MAML2: variants seen among roughly 807,000 people sequenced by gnomAD.
The protein encoded by MAML2 is mastermind like transcriptional coactivator 2.
Under a neutral mutation model 96.1 loss-of-function variants are expected in MAML2, and 22 were observed. The observed-to-expected ratio is 0.23, with a 90% CI of 0.16 to 0.33. The LOEUF (loss-of-function observed/expected upper bound fraction) is 0.33, where lower values mean the gene tolerates loss of function less well. Ranked by LOEUF, MAML2 falls within the 10% of genes least tolerant of loss-of-function variation. The pLI is 1.00. For synonymous variants in MAML2, 561 were observed against 521.3 expected (o/e 1.08, Z -1.04); for missense variants, 1,367 against 1,392.4 (o/e 0.98, Z 0.29).
chr11:96,124,719 G>A (rs1158561146), intron 1 of MAML2, among the ~76,000 whole-genome samples: 1 of 152,108 alleles, frequency 6.6e-6, no homozygotes, highest in African/African-American at 2.4e-5. Flanking sequence ...GAGAGAGAGA[G>A]ACTGCACATG....
intron 1 of MAML2, among the ~76,000 whole-genome samples, chr11:96,284,839 CTA>C (rs1863116606): frequency 6.6e-6 from 1 of 152,208 alleles, no homozygotes; most frequent in African/African-American, 2.4e-5. Context: ...ACTCATCACT[CTA>C]TAATAATATT....
At chr11:96,018,568 A>G (rs556535841) in intron 2 of MAML2, among the ~76,000 whole-genome samples, 1 of 152,314 alleles carries the variant, frequency 6.6e-6, no homozygotes, top group East Asian at 1.9e-4. Context: ...GAAAGCTAAG[A>G]GAAGAAAGTA....
chr11:96,210,145 G>A (rs563089402), intron 1 of MAML2, among the ~76,000 whole-genome samples: 14 of 151,894 alleles, frequency 9.2e-5, no homozygotes, highest in Non-Finnish European at 1.3e-4. Context: ...TCACTCTGTC[G>A]CCCAGTTTGG....
chr11:96,145,723 C>G (rs1860804315), intron 1 of MAML2, among the ~76,000 whole-genome samples: 1 of 152,164 alleles, frequency 6.6e-6, no homozygotes, highest in South Asian at 2.1e-4. Context: ...AAATTGTATA[C>G]TTGTTCGGGC....
chr11:96,113,385 C>T (rs1196052313), intron 1 of MAML2, among the ~76,000 whole-genome samples: 2 of 151,944 alleles, frequency 1.3e-5, no homozygotes, highest in Admixed American at 6.5e-5. Flanking sequence ...CTTAGGCAGA[C>T]ATATTAACTC....
chr11:96,217,597 C>G (rs1862069362), intron 1 of MAML2, among the ~76,000 whole-genome samples: 1 of 152,140 alleles, frequency 6.6e-6, no homozygotes, highest in African/African-American at 2.4e-5. Flanking sequence ...CTCTTTTTGA[C>G]AGTAGAAAAG....
chr11:96,322,605 T>C (rs577683), intron 1 of MAML2, among the ~76,000 whole-genome samples: 71,656 of 151,818 alleles, frequency 0.47, 17,655 homozygotes, highest in African/African-American at 0.63. Context: ...GCCAGGAGAA[T>C]GGCGTGAACC....
chr11:96,248,951 G>A (rs1862548122), intron 1 of MAML2, among the ~76,000 whole-genome samples: 1 of 152,172 alleles, frequency 6.6e-6, no homozygotes, highest in African/African-American at 2.4e-5. Flanking sequence ...ACTATGATGG[G>A]AATATTTCCA....
chr11:96,341,328 C>T, intron 1 of MAML2, 55 bp downstream of exon 1: 1 of 1,469,598 alleles, frequency 6.8e-7, no homozygotes, highest in East Asian at 2.5e-5. Context: ...CAAACTCTAC[C>T]CTCACAAAAG....
intron 1 of MAML2, among the ~76,000 whole-genome samples, chr11:96,304,704 A>G (rs1017651312): frequency 4.6e-5 from 7 of 152,310 alleles, no homozygotes; most frequent in African/African-American, 1.4e-4. Flanking sequence ...TATTCATATA[A>G]ACTCTTCTTG....
Position 96,092,603 on chromosome 11 carries a change from C to T in MAML2, c.1428G>A (p.Gly476=). ...SSAGPSPGPF[G]QEKIPSPSFG... is the part of the protein sequence containing the mutation. Reference sequence around the variant, plus strand: ...AAGAAGGGCTGGGGATTTTCTCCTGCCCAAATGGACCTGGTGATGGTCCAG... The same window carrying T: ...AAGAAGGGCTGGGGATTTTCTCCTGTCCAAATGGACCTGGTGATGGTCCAG... Residue 476 remains glycine, a synonymous_variant, in exon 2 of 5, where the codon GGG becomes GGA. Transcript: ENST00000524717. The surrounding 1 kb of genome is among the most constrained non-coding windows in gnomAD (Gnocchi z 4.1). 6.2e-7 allele frequency: 1 copy of T among 1,611,610 alleles called. No homozygotes were observed. The highest frequency in any genetic ancestry group is 8.5e-7 in the Non-Finnish European group (1 of 1,178,134).
intron 1 of MAML2, among the ~76,000 whole-genome samples, chr11:96,326,792 A>T (rs1050597039): frequency 6.6e-6 from 1 of 151,994 alleles, no homozygotes; most frequent in Admixed American, 6.6e-5. Context: ...ATAAATAACA[A>T]AACAAAAAAA....
chr11:96,072,796 G>T (rs1057366393), intron 2 of MAML2, among the ~76,000 whole-genome samples: 1 of 152,160 alleles, frequency 6.6e-6, no homozygotes, highest in Admixed American at 6.5e-5. Context: ...GCCAAAGCCG[G>T]CCTCTTACCC....
intron 1 of MAML2, among the ~76,000 whole-genome samples, chr11:96,110,901 T>C (rs900024621): frequency 1.3e-5 from 2 of 152,222 alleles, no homozygotes; most frequent in African/African-American, 2.4e-5. Context: ...TAATCGCTTG[T>C]TAAATTAAGG....
chr11:96,251,039 A>C (rs1046741856), intron 1 of MAML2, among the ~76,000 whole-genome samples: 1 of 152,214 alleles, frequency 6.6e-6, no homozygotes, highest in Non-Finnish European at 1.5e-5. Flanking sequence ...ACAAATGCCA[A>C]AGTTTTTAGC....
At chr11:96,275,549 A>G (rs886722394) in intron 1 of MAML2, among the ~76,000 whole-genome samples, 4 of 152,110 alleles carry the variant, frequency 2.6e-5, no homozygotes, top group Admixed American at 2.0e-4. Context: ...GATTACAGGC[A>G]TGAGCCACCA....
chr11:96,029,568 A>T (rs1256819914), intron 2 of MAML2, among the ~76,000 whole-genome samples: 1 of 152,156 alleles, frequency 6.6e-6, no homozygotes, highest in Non-Finnish European at 1.5e-5. Context: ...GTAGTTTTTC[A>T]TTGTTGGAAC....
intron 1 of MAML2, among the ~76,000 whole-genome samples, chr11:96,291,446 T>C (rs75383148): frequency 0.03 from 4,635 of 152,192 alleles, 110 homozygotes; most frequent in South Asian, 0.13. Context: ...CTTTGTTTAT[T>C]CCTCCCTGCT....
chr11:96,014,341 T>A (rs901468922), intron 2 of MAML2, among the ~76,000 whole-genome samples: 2 of 152,176 alleles, frequency 1.3e-5, no homozygotes, highest in African/African-American at 4.8e-5. Flanking sequence ...TCCACAGGGA[T>A]CCTTGCGACA....
Sources: gnomAD v4.1 joint callset for allele counts (sites outside exome capture counted in the v4.1 genomes callset) on GRCh38, gnomAD v4.1.1 for gene constraint, Gnocchi (gnomAD v3.1) non-coding constraint, MANE v1.5 for transcripts, NCBI Gene and HGNC (gene_info 2026-07-23, HGNC 2026-07-21) for gene names.